MRPL52: variants seen among roughly 807,000 people sequenced by gnomAD.
MRPL52 encodes the protein large ribosomal subunit protein mL52.
In MRPL52, 19 loss-of-function variants were observed where a neutral mutation model predicts 22.1. The observed-to-expected ratio is 0.86, with a 90% confidence interval of 0.60 to 1.26. The LOEUF is 1.26. Ranked by LOEUF, MRPL52 falls within the 50% of genes most tolerant of loss-of-function variation. The pLI, the probability that MRPL52 is intolerant of heterozygous loss-of-function variation, is 0.00. For synonymous variants in MRPL52, 50 were observed against 57.5 expected (o/e 0.87, Z 0.59); for missense variants, 152 against 148.1 (o/e 1.03, Z -0.14).
At chr14:22,830,331 G>T in intron 3 of MRPL52, 77 bp downstream of exon 3, 1 of 1,473,746 alleles carries the variant, frequency 6.8e-7, no homozygotes, top group Non-Finnish European at 9.5e-7. Context: ...GGGAGCTGGG[G>T]GTATCAAGGT....
chr14:22,831,500 T>G (rs1220181791), intron 3 of MRPL52: 1 of 153,050 alleles, frequency 6.5e-6, no homozygotes, highest in Non-Finnish European at 1.5e-5. Flanking sequence ...AGTCTCAGTT[T>G]CCATATCTGT....
chr14:22,832,758 A>G (rs1480890698), intron 3 of MRPL52, among the ~76,000 whole-genome samples: 1 of 152,154 alleles, frequency 6.6e-6, no homozygotes. Context: ...GCGCACCTGT[A>G]ATCCCAGTTA....
At chr14:22,830,961 T>C (rs1330808686) in intron 3 of MRPL52, 6 of 1,527,086 alleles carry the variant, frequency 3.9e-6, no homozygotes, top group Admixed American at 2.0e-5. Flanking sequence ...TGTTGCTCTC[T>C]AGGGGTATGA....
intron 3 of MRPL52, chr14:22,830,864 C>A: frequency 1.3e-6 from 1 of 770,050 alleles, no homozygotes; most frequent in Non-Finnish European, 2.1e-6. Flanking sequence ...TGCACATGAT[C>A]ATACAGCTAG....
chr14:22,834,122 T>C, intron 4 of MRPL52, 50 bp from the exon 5 acceptor site: 4 of 1,597,342 alleles, frequency 2.5e-6, no homozygotes, highest in Non-Finnish European at 3.4e-6. Context: ...ATATATAGTA[T>C]AGCGCTGAAG....
intron 3 of MRPL52, among the ~76,000 whole-genome samples, chr14:22,832,332 T>C (rs914335589): frequency 1.3e-5 from 2 of 152,014 alleles, no homozygotes; most frequent in African/African-American, 4.8e-5. Flanking sequence ...TAAGAGTTTC[T>C]GGTTTTTTTT....
Position 22,834,494 on chromosome 14 carries a change from C to G in MRPL52, c.*173C>G. ...ACTGCCTGGGAGGCTTGGCTTAGTA[C>G]TCTCATCTCTGGTTCCATTCCAGTT... On this transcript the variant is annotated 3_prime_UTR_variant, in exon 5 of 5. Coordinates refer to ENST00000397496, the MANE Select transcript of MRPL52 (RefSeq NM_180982.3). The G allele has an allele frequency of 1.4e-6, 1 of 703,864 alleles. No homozygotes were observed. The highest frequency in any genetic ancestry group is 2.3e-6 in the Non-Finnish European group (1 of 434,962). The allele number at this position is 703,864 out of a possible 1,614,324, so 43.6% of individuals were successfully genotyped here. A position where few individuals can be genotyped will look rare whatever the true frequency, so the allele number is the denominator to read the frequency against.
intron 3 of MRPL52, 161 bp from the exon 4 acceptor site, chr14:22,833,257 T>A (rs961562440): frequency 9.9e-6 from 6 of 604,300 alleles, no homozygotes; most frequent in Non-Finnish European, 1.5e-5. Flanking sequence ...TACCTCACCC[T>A]TGAAGATGAT....
chr14:22,834,532 G>C lies in MRPL52; in HGVS notation c.*211G>C. ...TTCCATTCCAGTTCAGCTAAGTCTT[G>C]CTTTAAAATTTTTACCTCCTAGCTG... On this transcript the variant is annotated 3_prime_UTR_variant, in exon 5 of 5. Coordinates refer to ENST00000397496, the MANE Select transcript of MRPL52 (RefSeq NM_180982.3). 1 of 572,356 alleles carries C rather than the reference G, an allele frequency of 1.7e-6. No homozygotes were observed. Among genetic ancestry groups the C allele is most frequent in the Non-Finnish European group, 2.9e-6 (1 of 340,522 alleles). 35.5% of individuals were successfully genotyped at this position (572,356 alleles called of 1,614,324 possible).
In MRPL52 at chr14:22,833,528, T is replaced by A. The variant is rs769888738; in HGVS notation, c.219+46T>A. 6 of 1,421,552 alleles carry A rather than the reference T, an allele frequency of 4.2e-6. No homozygotes were observed. In the Admixed American group the frequency reaches 6.8e-5, roughly 16 times the overall value. 88.1% of individuals were successfully genotyped at this position (1,421,552 alleles called of 1,614,324 possible). ...CCAGGGCTACCTGGAAGGAGAACAT[T>A]TAAATCATAATTTGTCTTGAGCTGT... On this transcript the variant is annotated intron_variant, in intron 4 of 4. Coordinates refer to ENST00000397496, the MANE Select transcript of MRPL52 (RefSeq NM_180982.3).
chr14:22,833,410 A>G lies in MRPL52; in HGVS notation c.155-8A>G. 3.1e-6 allele frequency: 5 copies of G among 1,606,300 alleles called. No individual in the cohort carries two copies. The highest frequency in any genetic ancestry group is 3.4e-6 in the Non-Finnish European group (4 of 1,172,880). On this transcript the variant is annotated splice_region_variant and splice_polypyrimidine_tract_variant and intron_variant, in intron 3 of 4. Transcript: ENST00000397496. ...AACACTTGACTTTTCTCTCACTTCTACTTGTAGATGGCCGCCCTGCTCCCC... is the reference window on the plus strand; with the variant it reads ...AACACTTGACTTTTCTCTCACTTCTGCTTGTAGATGGCCGCCCTGCTCCCC...
At chr14:22,830,911 C>A in intron 3 of MRPL52, 2 of 1,291,118 alleles carry the variant, frequency 1.5e-6, no homozygotes, top group South Asian at 1.3e-5. Context: ...TAGGCCAGTC[C>A]TCCTTGACAA....
chr14:22,833,685 C>T lies in MRPL52; in HGVS notation c.219+203C>T, dbSNP rs536941635. The stretch of plus-strand genomic sequence containing the variant: ...TGATGCCCAGGCTGGAGTGCAATGG[C>T]GCTATCTCAGCTCACTTCAACCTAC... On this transcript the variant is annotated intron_variant, in intron 4 of 4. Transcript: ENST00000397496. Among the ~76,000 whole-genome samples, 75 of 152,214 alleles carry T rather than the reference C, an allele frequency of 4.9e-4. 1 individual carries two copies. The highest frequency in any genetic ancestry group is 8.5e-4 in the Admixed American group (13 of 15,282).
At chr14:22,831,278 A>C in intron 3 of MRPL52, 1 of 433,424 alleles carries the variant, frequency 2.3e-6, no homozygotes, top group Non-Finnish European at 4.1e-6. Context: ...ATTCCTGGCT[A>C]ATTTTTTTTT....
chr14:22,832,404 G>A (rs151194283), intron 3 of MRPL52, among the ~76,000 whole-genome samples: 121 of 152,084 alleles, frequency 8.0e-4, no homozygotes, highest in African/African-American at 2.7e-3. Flanking sequence ...GCAGTGGTGC[G>A]ATCTTGGCTC....
At chr14:22,830,303 A>C in intron 3 of MRPL52, 49 bp downstream of exon 3, 1 of 1,599,110 alleles carries the variant, frequency 6.3e-7, no homozygotes, top group South Asian at 1.1e-5. Flanking sequence ...TTTCACCTAG[A>C]GGGAACGCCC....
chr14:22,834,073 C>A, intron 4 of MRPL52, 99 bp from the exon 5 acceptor site: 1 of 1,398,332 alleles, frequency 7.2e-7, no homozygotes, highest in Non-Finnish European at 9.7e-7. Flanking sequence ...TCAGCAGCGT[C>A]ATTTTCCAGA....
chr14:22,831,813 A>T (rs982022907), intron 3 of MRPL52: 5 of 152,278 alleles, frequency 3.3e-5, no homozygotes, highest in Admixed American at 3.3e-4. Context: ...GACCCAAAGA[A>T]CTTAAAGTCT....
chr14:22,834,061 A>G (rs1019647162), intron 4 of MRPL52, 111 bp from the exon 5 acceptor site: 1 of 1,235,158 alleles, frequency 8.1e-7, no homozygotes, highest in Non-Finnish European at 1.1e-6. Context: ...CCCACTGGGG[A>G]GTCAGCAGCG....
Sources: allele counts gnomAD v4.1 joint callset (sites outside exome capture counted in the v4.1 genomes callset), GRCh38; gene constraint gnomAD v4.1.1; transcripts MANE v1.5; gene names NCBI Gene and HGNC (gene_info 2026-07-23, HGNC 2026-07-21).